Variants in COL25A1 observed in about 807,000 individuals in gnomAD.
COL25A1 encodes the protein collagen alpha-1(XXV) chain.
COL25A1 carries 103 observed loss-of-function variants against 128.4 expected under a neutral mutation model. The ratio of observed to expected loss-of-function variants is 0.80; its 90% CI spans 0.68 to 0.94. The LOEUF is 0.94. COL25A1 is among the 40% of genes least tolerant of loss of function. The pLI, the probability that COL25A1 is intolerant of heterozygous loss-of-function variation, is 0.00. For missense variants in COL25A1, 745 were observed against 840.0 expected, an observed-to-expected ratio of 0.89 and a Z score of 1.40; for synonymous variants, 279 against 277.2, an observed-to-expected ratio of 1.01 and a Z score of -0.06.
intron 3 of COL25A1, among the ~76,000 whole-genome samples, chr4:109,173,127 G>A (rs1773742170): frequency 6.6e-6 from 1 of 152,052 alleles, no homozygotes; most frequent in Non-Finnish European, 1.5e-5. Context: ...ACTCTGTCAT[G>A]CAGGCTGGAG....
At chr4:109,277,989 G>T (rs1723008564) in intron 3 of COL25A1, among the ~76,000 whole-genome samples, 1 of 152,036 alleles carries the variant, frequency 6.6e-6, no homozygotes, top group Non-Finnish European at 1.5e-5. Flanking sequence ...CAAAAAATTA[G>T]CCAGGCATGG....
intron 3 of COL25A1, among the ~76,000 whole-genome samples, chr4:109,227,456 T>C (rs1389851688): frequency 2.0e-5 from 3 of 152,232 alleles, no homozygotes; most frequent in African/African-American, 7.2e-5. Context: ...GCCACTTTTC[T>C]ATAATCTTCT....
chr4:109,136,182 G>T (rs182269677), intron 3 of COL25A1, among the ~76,000 whole-genome samples: 1 of 152,206 alleles, frequency 6.6e-6, no homozygotes, highest in Admixed American at 6.5e-5. Context: ...TGGATCACCT[G>T]AGGTCAGGAG....
chr4:108,918,948 T>C (rs1430789184), intron 12 of COL25A1, among the ~76,000 whole-genome samples: 3 of 152,244 alleles, frequency 2.0e-5, no homozygotes, highest in Non-Finnish European at 4.4e-5. Flanking sequence ...AGAAAATCTA[T>C]GACATTTAAC....
intron 3 of COL25A1, among the ~76,000 whole-genome samples, chr4:109,157,405 T>A (rs1772138346): frequency 6.6e-6 from 1 of 152,124 alleles, no homozygotes; most frequent in Admixed American, 6.5e-5. Flanking sequence ...TTCAGTACAG[T>A]GTAGAGAGGC....
At chr4:108,828,536 C>T (rs1732663564) in intron 32 of COL25A1, among the ~76,000 whole-genome samples, 1 of 152,134 alleles carries the variant, frequency 6.6e-6, no homozygotes, top group South Asian at 2.1e-4. Context: ...TTAAATAGAA[C>T]AGCTTTCCCC....
At chr4:109,199,979 A>G (rs573578549) in intron 3 of COL25A1, among the ~76,000 whole-genome samples, 3 of 152,194 alleles carry the variant, frequency 2.0e-5, no homozygotes, top group Admixed American at 2.0e-4. Context: ...AACTGCTGAG[A>G]TTTCAGGACT....
intron 6 of COL25A1, among the ~76,000 whole-genome samples, chr4:108,994,181 G>A (rs934497741): frequency 5.3e-5 from 8 of 152,216 alleles, no homozygotes; most frequent in South Asian, 2.1e-4. Flanking sequence ...TCAAGGGGTC[G>A]GGGGATTTCC....
At chr4:109,070,955 T>C (rs1397011269) in intron 3 of COL25A1, among the ~76,000 whole-genome samples, 2 of 152,052 alleles carry the variant, frequency 1.3e-5, no homozygotes, top group Non-Finnish European at 2.9e-5. Context: ...TTTGGGTTGA[T>C]TCCAAGTCTT....
intron 6 of COL25A1, among the ~76,000 whole-genome samples, chr4:108,984,632 C>T (rs1753454339): frequency 6.6e-6 from 1 of 152,220 alleles, no homozygotes; most frequent in Admixed American, 6.5e-5. Flanking sequence ...GTGGGGCCAG[C>T]CGGCCGCTCC....
At chr4:109,103,695 T>C (rs534933621) in intron 3 of COL25A1, among the ~76,000 whole-genome samples, 13 of 152,280 alleles carry the variant, frequency 8.5e-5, no homozygotes, top group African/African-American at 3.1e-4. Flanking sequence ...AAATGGAAAA[T>C]GAACAAATTG....
intron 19 of COL25A1, among the ~76,000 whole-genome samples, chr4:108,874,132 G>A (rs1338322474): frequency 6.6e-6 from 1 of 152,226 alleles, no homozygotes; most frequent in Non-Finnish European, 1.5e-5. Context: ...GGTCGGGGAA[G>A]AAGGCGGGAG....
At chr4:108,827,637 C>T (rs932820811) in intron 32 of COL25A1, among the ~76,000 whole-genome samples, 2 of 152,108 alleles carry the variant, frequency 1.3e-5, no homozygotes, top group Admixed American at 1.3e-4. Flanking sequence ...AGTGATCCTC[C>T]CACCTCGACC....
At chr4:109,288,962 TACACACACACACACAC>T (rs3079876) in intron 3 of COL25A1, among the ~76,000 whole-genome samples, 40 of 133,602 alleles carry the variant, frequency 3.0e-4, no homozygotes, top group Middle Eastern at 3.8e-3. Flanking sequence ...AAATTATATA[TACACACACACACACAC>T]ACACACACAC....
intron 16 of COL25A1, among the ~76,000 whole-genome samples, chr4:108,895,844 C>G (rs1374294834): frequency 1.3e-5 from 2 of 151,792 alleles, no homozygotes; most frequent in Admixed American, 1.3e-4. Context: ...CACTATTATA[C>G]CCAATGTGTA....
At chr4:108,936,678 C>T (rs1193107546) in intron 11 of COL25A1, among the ~76,000 whole-genome samples, 2 of 151,848 alleles carry the variant, frequency 1.3e-5, no homozygotes, top group Non-Finnish European at 2.9e-5. Flanking sequence ...AGGGATCCTG[C>T]AAAGGCAGCT....
intron 3 of COL25A1, among the ~76,000 whole-genome samples, chr4:109,252,129 G>A (rs1386020259): frequency 2.6e-5 from 4 of 152,374 alleles, no homozygotes; most frequent in South Asian, 4.1e-4. Context: ...ATGGATGGTA[G>A]TTTAGCAAAA....
intron 3 of COL25A1, among the ~76,000 whole-genome samples, chr4:109,256,911 G>A (rs762842942): frequency 1.9e-4 from 29 of 152,000 alleles, no homozygotes; most frequent in African/African-American, 3.4e-4. Context: ...GTCTTCTCTG[G>A]GTCACTTCTA....
intron 16 of COL25A1, among the ~76,000 whole-genome samples, chr4:108,895,433 A>G (rs1233078371): frequency 1.3e-5 from 2 of 152,194 alleles, no homozygotes; most frequent in African/African-American, 4.8e-5. Flanking sequence ...ACATAGCACA[A>G]GTGAAGTATA....
Sources: allele counts gnomAD v4.1 joint callset (sites outside exome capture counted in the v4.1 genomes callset), GRCh38; gene constraint gnomAD v4.1.1; transcripts MANE v1.5; gene names NCBI Gene and HGNC (gene_info 2026-07-23, HGNC 2026-07-21).